SORCS1: variants seen among roughly 807,000 people sequenced by gnomAD.
SORCS1 encodes sortilin related VPS10 domain containing receptor 1.
A neutral mutation model predicts 146.1 loss-of-function variants in SORCS1; 60 were observed. The observed-to-expected ratio is 0.41, with a 90% confidence interval of 0.33 to 0.51. SORCS1 has a LOEUF of 0.51. SORCS1 is among the 20% of genes least tolerant of loss of function. The pLI is 0.21. For synonymous variants in SORCS1, 637 were observed against 584.0 expected, an observed-to-expected ratio of 1.09 and a Z score of -1.31; for missense variants, 1,352 against 1,487.6, an observed-to-expected ratio of 0.91 and a Z score of 1.50.
At chr10:106,729,899 AAGC>A in intron 6 of SORCS1, 148 bp downstream of exon 6, 2 of 795,700 alleles carry the variant, frequency 2.5e-6, no homozygotes, top group Non-Finnish European at 4.0e-6. Context: ...GAGTCAAAAG[AAGC>A]AGGTCACCCC....
intron 18 of SORCS1, among the ~76,000 whole-genome samples, chr10:106,641,500 C>G (rs1849067654): frequency 6.6e-6 from 1 of 152,046 alleles, no homozygotes; most frequent in Admixed American, 6.5e-5. Flanking sequence ...TAATGCATGT[C>G]TAGGAAAGGA....
rs565819541 is a variant in SORCS1 at position 107,009,723 on chromosome 10, T to A, written c.559-53143A>T. On this transcript the variant is annotated intron_variant, in intron 1 of 25. Coordinates refer to ENST00000263054, the MANE Select transcript of SORCS1 (RefSeq NM_052918.5). ...TTGAAAATATCACAATCTCATAATA[T>A]GCACAAAAGTATTTTCTGACGAAAA... 5.9e-5 allele frequency among the ~76,000 whole-genome samples: 9 copies of A among 152,356 alleles called. No individual in the cohort carries two copies. The East Asian group carries it at 1.3e-3, about 23-fold the overall frequency.
At chr10:106,935,803 T>C (rs1336373095) in intron 2 of SORCS1, among the ~76,000 whole-genome samples, 1 of 152,232 alleles carries the variant, frequency 6.6e-6, no homozygotes, top group Non-Finnish European at 1.5e-5. Flanking sequence ...GAACATACTA[T>C]TTACTTCTCA....
At position 106,620,481 on chromosome 10, in the gene SORCS1, G is replaced by A; in HGVS notation, c.2743C>T (p.Pro915Ser). Residue 915 changes from proline to serine, a missense_variant, in exon 20 of 26, where the codon CCC becomes TCC. Physicochemically the swap from Pro to Ser is moderately conservative, Grantham distance 74. This residue lies in a region of SORCS1 where 648 missense variants were observed against 793.8 expected (regional missense o/e 0.82). Coordinates refer to ENST00000263054, the MANE Select transcript of SORCS1 (RefSeq NM_052918.5). ...KEVNATAVLW[P>S]SQVGTLTYVW... is the part of the protein sequence containing the mutation. Reference sequence around the variant, plus strand: ...TAAGTGAGGGTGCCCACTTGGCTGGGCCACAGCACTGCCGTCGCATTGACC... The same window carrying A: ...TAAGTGAGGGTGCCCACTTGGCTGGACCACAGCACTGCCGTCGCATTGACC... 1 of 1,614,092 alleles carries A rather than the reference G, an allele frequency of 6.2e-7. No homozygotes were observed. Among genetic ancestry groups the A allele is most frequent in the Non-Finnish European group, 8.5e-7 (1 of 1,179,958 alleles).
intron 2 of SORCS1, among the ~76,000 whole-genome samples, chr10:106,929,595 C>T (rs889785904): frequency 2.6e-5 from 4 of 152,164 alleles, no homozygotes; most frequent in African/African-American, 9.7e-5. Flanking sequence ...CAAAAAACGC[C>T]TACATTGCAG....
chr10:106,750,949 C>G (rs28579255), intron 5 of SORCS1, among the ~76,000 whole-genome samples: 1 of 147,278 alleles, frequency 6.8e-6, no homozygotes. Flanking sequence ...GTCCCAGCTA[C>G]TAGGGAGGCT....
chr10:106,771,768 T>TC (rs2136328311), intron 4 of SORCS1, among the ~76,000 whole-genome samples: 1 of 152,314 alleles, frequency 6.6e-6, no homozygotes, highest in East Asian at 1.9e-4. Context: ...TGTTCCTTTT[T>TC]CTGAAGATTT....
At chr10:106,978,476 G>A (rs1054321128) in intron 1 of SORCS1, among the ~76,000 whole-genome samples, 4 of 152,080 alleles carry the variant, frequency 2.6e-5, no homozygotes, top group Non-Finnish European at 2.9e-5. Flanking sequence ...TGTAAGGAGC[G>A]GATTAGCAAG....
rs573301827 is a variant in SORCS1 at position 107,035,584 on chromosome 10, CAG to C, written c.559-79006_559-79005del. The stretch of plus-strand genomic sequence containing the variant: ...AATCATCTGGAGCTCCACGGTCAAT[CAG>C]ATTTTCTACAGATGAGGCATAGGGC... On this transcript the variant is annotated intron_variant, in intron 1 of 25. Coordinates refer to ENST00000263054, the MANE Select transcript of SORCS1 (RefSeq NM_052918.5). Among the ~76,000 whole-genome samples the C allele has an allele frequency of 5.0e-3, 761 of 152,266 alleles. 6 individuals are homozygous for C. Among genetic ancestry groups the C allele is most frequent in the Non-Finnish European group, 7.6e-3 (514 of 68,010 alleles).
chr10:106,912,152 T>C (rs1952198209), intron 2 of SORCS1, among the ~76,000 whole-genome samples: 1 of 150,768 alleles, frequency 6.6e-6, no homozygotes, highest in Admixed American at 6.6e-5. Flanking sequence ...AAAAAAAGGC[T>C]GCTCAGAAGT....
chr10:106,980,528 C>T (rs982778228), intron 1 of SORCS1, among the ~76,000 whole-genome samples: 6 of 152,192 alleles, frequency 3.9e-5, no homozygotes, highest in Admixed American at 1.3e-4. Context: ...CCAACTTTCA[C>T]TAATTAGTTA....
At chr10:107,152,443 T>C (rs1223151850) in intron 1 of SORCS1, among the ~76,000 whole-genome samples, 1 of 152,158 alleles carries the variant, frequency 6.6e-6, no homozygotes, top group African/African-American at 2.4e-5. Flanking sequence ...ACTTGTTCCA[T>C]GCATTTGGAA....
At chr10:106,741,428 G>A (rs10884352) in intron 5 of SORCS1, among the ~76,000 whole-genome samples, 1 of 151,748 alleles carries the variant, frequency 6.6e-6, no homozygotes, top group Non-Finnish European at 1.5e-5. Context: ...GTGAAACCCC[G>A]TTTCTACTAA....
intron 2 of SORCS1, among the ~76,000 whole-genome samples, chr10:106,953,000 C>A (rs112510930): frequency 0.032 from 4,879 of 151,418 alleles, 114 homozygotes; most frequent in African/African-American, 0.044. Context: ...ACTACTACTA[C>A]TAATAATAAT....
intron 1 of SORCS1, among the ~76,000 whole-genome samples, chr10:106,979,337 C>A (rs1956160170): frequency 6.6e-6 from 1 of 152,032 alleles, no homozygotes; most frequent in African/African-American, 2.4e-5. Context: ...AACCCAGAGT[C>A]AAGATAATCA....
intron 1 of SORCS1, among the ~76,000 whole-genome samples, chr10:107,158,524 A>G (rs1969464894): frequency 6.6e-6 from 1 of 152,196 alleles, no homozygotes; most frequent in South Asian, 2.1e-4. Flanking sequence ...CTTGAAGGCC[A>G]TCCCAGCCAG....
chr10:106,600,398 G>GA (rs1846170058), intron 23 of SORCS1: 2 of 979,370 alleles, frequency 2.0e-6, no homozygotes, highest in Non-Finnish European at 2.4e-6. Context: ...TGCTTTGTGA[G>GA]AAAAAATTTG....
chr10:106,927,683 G>A (rs1232447669), intron 2 of SORCS1, among the ~76,000 whole-genome samples: 1 of 152,074 alleles, frequency 6.6e-6, no homozygotes, highest in Admixed American at 6.6e-5. Context: ...GGTTCTCCAC[G>A]TCCCCACCAG....
intron 2 of SORCS1, among the ~76,000 whole-genome samples, chr10:106,952,574 A>ATATTAT (rs971963140): frequency 6.8e-6 from 1 of 147,844 alleles, no homozygotes; most frequent in African/African-American, 2.5e-5. Context: ...ATATTATATT[A>ATATTAT]TACTATGTTA....
Sources: gnomAD v4.1 joint callset for allele counts (sites outside exome capture counted in the v4.1 genomes callset) on GRCh38, gnomAD v4.1.1 for gene constraint, gnomAD v4.1.1 regional missense constraint, MANE v1.5 for transcripts, NCBI Gene and HGNC (gene_info 2026-07-23, HGNC 2026-07-21) for gene names.